SIL1: variants seen among roughly 807,000 people sequenced by gnomAD.
SIL1 encodes SIL1 nucleotide exchange factor.
A neutral mutation model predicts 49.1 loss-of-function variants in SIL1; 40 were observed. The observed-to-expected ratio is 0.81, with a 90% CI of 0.63 to 1.06. The LOEUF is 1.06. Among genes scored for constraint, SIL1 ranks in the 50% least tolerant of loss-of-function variants. The pLI, the probability that SIL1 is intolerant of heterozygous loss-of-function variation, is 0.00. For synonymous variants in SIL1, 253 were observed against 250.8 expected (o/e 1.01, Z -0.08); for missense variants, 500 against 572.6 (o/e 0.87, Z 1.29).
At chr5:139,078,336 C>CA (rs1008821767) in intron 3 of SIL1, among the ~76,000 whole-genome samples, 1 of 151,350 alleles carries the variant, frequency 6.6e-6, no homozygotes, top group African/African-American at 2.4e-5. Flanking sequence ...TTGTAATTGA[C>CA]AAAAAACTTC....
intron 3 of SIL1, among the ~76,000 whole-genome samples, chr5:139,117,420 C>T (rs1771016442): frequency 6.6e-6 from 1 of 152,136 alleles, no homozygotes; most frequent in Non-Finnish European, 1.5e-5. Context: ...AGTCAGTGCT[C>T]AGTAAATGTG....
In SIL1 at chr5:139,142,538, A is replaced by G. The variant is rs112634433; in HGVS notation, c.-10-14685T>C. ...CACATTAATAGAATGAAGGAAAAAA[A>G]CCACATGATCATTTCAATGGATACT... On this transcript the variant is annotated intron_variant, in intron 1 of 9. Coordinates refer to ENST00000394817, the MANE Select transcript of SIL1 (RefSeq NM_022464.5). 6.9e-3 allele frequency among the ~76,000 whole-genome samples: 1,056 copies of G among 152,316 alleles called. 8 individuals carry two copies. Among genetic ancestry groups the G allele is most frequent in the African/African-American group, 0.024 (1,012 of 41,566 alleles).
At chr5:139,165,763 T>G (rs974743340) in intron 1 of SIL1, among the ~76,000 whole-genome samples, 2 of 152,160 alleles carry the variant, frequency 1.3e-5, no homozygotes, top group African/African-American at 4.8e-5. Flanking sequence ...GTTCAAGTGA[T>G]TCTCCTGCCT....
At chr5:138,983,666 C>G (rs1172035923) in intron 7 of SIL1, among the ~76,000 whole-genome samples, 1 of 152,012 alleles carries the variant, frequency 6.6e-6, no homozygotes, top group East Asian at 1.9e-4. Flanking sequence ...CCCACTCTAC[C>G]CTGCCCGGAC....
intron 7 of SIL1, among the ~76,000 whole-genome samples, chr5:138,985,911 C>T (rs1225314235): frequency 6.6e-6 from 1 of 152,238 alleles, no homozygotes; most frequent in Admixed American, 6.5e-5. Flanking sequence ...ACCCTGCAAT[C>T]TCCAGCTCCA....
intron 7 of SIL1, among the ~76,000 whole-genome samples, chr5:139,018,520 G>A (rs1415091048): frequency 6.7e-6 from 1 of 149,270 alleles, no homozygotes; most frequent in African/African-American, 2.5e-5. Flanking sequence ...AGCCCAGGAG[G>A]CAGAGGTTGC....
intron 7 of SIL1, among the ~76,000 whole-genome samples, chr5:138,998,676 GAACT>G (rs1022251197): frequency 6.6e-6 from 1 of 152,074 alleles, no homozygotes; most frequent in African/African-American, 2.4e-5. Flanking sequence ...GATCTCATGT[GAACT>G]AACTGAGGAA....
At chr5:139,148,416 A>G (rs13161286) in intron 1 of SIL1, among the ~76,000 whole-genome samples, 39,294 of 152,008 alleles carry the variant, frequency 0.26, 6,165 homozygotes, top group Middle Eastern at 0.35. Context: ...TACCAGTGGG[A>G]CCCCAGGAAG....
intron 3 of SIL1, among the ~76,000 whole-genome samples, chr5:139,088,124 C>T (rs1422321773): frequency 1.3e-5 from 2 of 152,230 alleles, no homozygotes; most frequent in African/African-American, 4.8e-5. Context: ...GCTCAGACTC[C>T]TCTGAAAAGA....
chr5:139,073,045 G>A (rs1368265716), intron 3 of SIL1, among the ~76,000 whole-genome samples: 1 of 152,116 alleles, frequency 6.6e-6, no homozygotes, highest in African/African-American at 2.4e-5. Flanking sequence ...CTACCAAAAA[G>A]ACAAAAGAAA....
At chr5:139,129,566 G>A (rs1308106167) in intron 1 of SIL1, among the ~76,000 whole-genome samples, 6 of 152,246 alleles carry the variant, frequency 3.9e-5, no homozygotes, top group Non-Finnish European at 8.8e-5. Flanking sequence ...CAGCTACTCA[G>A]GAGACTGAAG....
chr5:139,114,116 C>T (rs752624097), intron 3 of SIL1, among the ~76,000 whole-genome samples: 5 of 152,258 alleles, frequency 3.3e-5, no homozygotes, highest in Non-Finnish European at 7.3e-5. Context: ...CCTGTCCCAT[C>T]CGGGTAATGA....
chr5:139,128,895 T>C (rs1380614923), intron 1 of SIL1, among the ~76,000 whole-genome samples: 1 of 152,156 alleles, frequency 6.6e-6, no homozygotes, highest in African/African-American at 2.4e-5. Context: ...ACACCTATAG[T>C]TCCAGCACTT....
chr5:138,951,364 G>C (rs1426943129), intron 8 of SIL1, 29 bp from the exon 9 acceptor site: 3 of 1,550,544 alleles, frequency 1.9e-6, no homozygotes, highest in Non-Finnish European at 2.6e-6. Context: ...GGGTAGGTGA[G>C]GGGCCAAGCG....
chr5:139,155,990 G>A lies in SIL1; in HGVS notation c.-10-28137C>T, dbSNP rs189589393. Among the ~76,000 whole-genome samples the A allele has an allele frequency of 4.4e-3, 672 of 152,184 alleles. 1 individual carries two copies. Among genetic ancestry groups the A allele is most frequent in the African/African-American group, 0.015 (639 of 41,528 alleles). Reference sequence around the variant, plus strand: ...TGGGATTACAGGAACACACCACCATGCCCGGCTAACTTTTGTATTTTCAGT... The same window carrying A: ...TGGGATTACAGGAACACACCACCATACCCGGCTAACTTTTGTATTTTCAGT... On this transcript the variant is annotated intron_variant, in intron 1 of 9. Coordinates refer to ENST00000394817, the MANE Select transcript of SIL1 (RefSeq NM_022464.5).
At chr5:139,045,695 C>T (rs569370335) in intron 4 of SIL1, among the ~76,000 whole-genome samples, 1 of 152,280 alleles carries the variant, frequency 6.6e-6, no homozygotes, top group African/African-American at 2.4e-5. Context: ...GCTCTTGATT[C>T]TTCTCCTTAT....
At chr5:138,973,547 G>A (rs1017438744) in intron 7 of SIL1, among the ~76,000 whole-genome samples, 10 of 152,132 alleles carry the variant, frequency 6.6e-5, no homozygotes, top group Admixed American at 3.3e-4. Flanking sequence ...CTACATCCCT[G>A]AGCTCCCAGG....
intron 3 of SIL1, among the ~76,000 whole-genome samples, chr5:139,096,802 T>C (rs752228729): frequency 6.6e-6 from 1 of 151,814 alleles, no homozygotes; most frequent in Non-Finnish European, 1.5e-5. Flanking sequence ...TAACCAGCAA[T>C]GATGCCCAGG....
At chr5:139,146,728 T>C (rs1751203256) in intron 1 of SIL1, among the ~76,000 whole-genome samples, 1 of 152,176 alleles carries the variant, frequency 6.6e-6, no homozygotes. Context: ...TCAAGTGTGT[T>C]TTCTACCTCT....
Sources: gnomAD v4.1 joint callset for allele counts (sites outside exome capture counted in the v4.1 genomes callset) on GRCh38, gnomAD v4.1.1 for gene constraint, MANE v1.5 for transcripts, NCBI Gene and HGNC (gene_info 2026-07-23, HGNC 2026-07-21) for gene names.